The following ADAM15 variants were observed in gnomAD, a reference collection of about 807,000 sequenced individuals.
ADAM15 encodes the protein ADAM metallopeptidase domain 15.
Under a neutral mutation model 113.8 loss-of-function variants are expected in ADAM15, and 77 were observed. The observed-to-expected ratio is 0.68, with a 90% CI of 0.56 to 0.82. The LOEUF (loss-of-function observed/expected upper bound fraction) is 0.82, where lower values mean the gene tolerates loss of function less well. Ranked by LOEUF, ADAM15 falls within the 40% of genes least tolerant of loss-of-function variation. The pLI is 0.00. For missense variants in ADAM15, 963 were observed against 1,120.1 expected (o/e 0.86, Z 2.00); for synonymous variants, 388 against 454.1 (o/e 0.85, Z 1.85).
In ADAM15 at chr1:155,062,464, G is replaced by A; in HGVS notation, c.2554G>A (p.Ala852Thr). 1.2e-6 allele frequency: 2 copies of A among 1,613,370 alleles called. No individual in the cohort carries two copies. ...IPPLVVPSRP[A>T]PPPPTVSSLY... ...TCTTGGCTTCCCGCAATCCAGACCA[G>A]CGCCACCGCCTCCGACAGTGTCCTC... Residue 852 changes from alanine (A) to threonine (T), a missense_variant, in exon 23 of 23, where the codon GCG becomes ACG. By Grantham distance (58) the Ala-to-Thr change is moderately conservative. Coordinates refer to ENST00000356955, the MANE Select transcript of ADAM15 (RefSeq NM_207197.3). The surrounding 1 kb of genome is among the most constrained non-coding windows in gnomAD (Gnocchi z 7.0).
At chr1:155,059,242 A>T (rs148969868) in intron 16 of ADAM15, among the ~76,000 whole-genome samples, 1,544 of 151,960 alleles carry the variant, frequency 0.01, 37 homozygotes, top group African/African-American at 0.035. Context: ...TAATTTTTGT[A>T]TTTTCAGTAG....
rs746980538 is a variant in ADAM15, at chr1:155,055,929, C to T, written c.676-3C>T. On this transcript the variant is annotated splice_region_variant and splice_polypyrimidine_tract_variant and intron_variant, in intron 7 of 22. Coordinates refer to ENST00000356955, the MANE Select transcript of ADAM15 (RefSeq NM_207197.3). ...CTTTCATGTCACCTCTCTTGGCCTA[C>T]AGGCCCAGAAATACCGGGACTTCCA... is the stretch of plus-strand genomic sequence containing the variant. 32 of 1,614,082 alleles carry T rather than the reference C, an allele frequency of 2.0e-5. No homozygotes were observed. The highest frequency in any genetic ancestry group is 1.8e-4 in the Admixed American group (11 of 60,012).
rs1662339948 is a variant in ADAM15, at chr1:155,059,938, G to T, written c.2032G>T (p.Gly678Cys). ...CAACAGGCACTGCTACTGTGAGGAGGGCTGGGCACCCCCTGACTGCACCAC... is the reference window on the plus strand; with the variant it reads ...CAACAGGCACTGCTACTGTGAGGAGTGCTGGGCACCCCCTGACTGCACCAC... ...DSNRHCYCEE[G>C]WAPPDCTTQL... Residue 678 changes from glycine to cysteine, a missense_variant, in exon 17 of 23, where the codon GGC (glycine) becomes TGC (cysteine). By Grantham distance (159) the Gly-to-Cys change is radical. Coordinates refer to ENST00000356955, the MANE Select transcript of ADAM15 (RefSeq NM_207197.3). 1 of 1,613,950 alleles carries T rather than the reference G, an allele frequency of 6.2e-7. No homozygotes were observed. Among genetic ancestry groups the T allele is most frequent in the Non-Finnish European group, 8.5e-7 (1 of 1,179,970 alleles).
intron 18 of ADAM15, 46 bp from the exon 19 acceptor site, chr1:155,060,717 G>C (rs1294347537): frequency 6.3e-7 from 1 of 1,581,014 alleles, no homozygotes; most frequent in Non-Finnish European, 8.7e-7. Context: ...TAGAAAACAG[G>C]GTCTGAGGCT....
chr1:155,055,677 C>G (rs1661657956), intron 6 of ADAM15, 113 bp from the exon 7 acceptor site: 1 of 1,200,466 alleles, frequency 8.3e-7, no homozygotes, highest in Non-Finnish European at 1.2e-6. Flanking sequence ...AAAATGGGCT[C>G]TTCACCCTCC....
Position 155,060,304 on chromosome 1 carries a change from A to T in ADAM15, c.2168A>T (p.Gln723Leu). The change falls in exon 18 of 23, where the codon CAG becomes CTG. Residue 723 changes from glutamine (Q) to leucine (L), a missense_variant. Transcript: ENST00000356955. ...TACTGGTACCGTGCCCGCCTGCACC[A>T]GCGACTCTGCCAGCTCAAGGGACCC... ...ASYWYRARLH[Q>L]RLCQLKGPTC... The T allele has an allele frequency of 6.2e-7, 1 of 1,614,074 alleles. No individual in the cohort carries two copies. Among genetic ancestry groups the T allele is most frequent in the Non-Finnish European group, 8.5e-7 (1 of 1,180,002 alleles).
Position 155,051,333 on chromosome 1 carries a change from CTCCGCGCGCTGT to C in ADAM15, c.-48_-37del. 2.2e-6 allele frequency: 3 copies of C among 1,339,094 alleles called. No homozygotes were observed. The highest frequency in any genetic ancestry group is 9.6e-7 in the Non-Finnish European group (1 of 1,036,396). 83.0% of individuals were successfully genotyped at this position (1,339,094 alleles called of 1,614,324 possible). ...GAGGCGACCTGGCCGCCGGCCGCTC[CTCCGCGCGCTGT>C]TCCGCACTTGCTGCCCTCGCCCGGC... On this transcript the variant is annotated 5_prime_UTR_variant, in exon 1 of 23. Transcript: ENST00000356955.
In ADAM15 at chr1:155,053,469, A is replaced by T. The variant is rs76268440; in HGVS notation, c.239A>T (p.His80Leu). Residue 80 changes from histidine (H) to leucine (L), a missense_variant, in exon 3 of 23, where the codon CAT (histidine) becomes CTT (leucine). Transcript: ENST00000356955. Reference protein sequence around the residue: ...RIKLELDGDSHILELLQNREL... With the variant: ...RIKLELDGDSLILELLQNREL... ...AAGTTGGAGCTGGACGGTGACAGTC[A>T]TATCCTGGAGCTGCTACAGAATAGG... 5.9e-4 allele frequency: 952 copies of T among 1,614,198 alleles called. 6 individuals are homozygous for T. In the African/African-American group the frequency reaches 0.011, roughly 19 times the overall value.
At chr1:155,061,738 C>A in intron 20 of ADAM15, 166 bp from the exon 21 acceptor site, 1 of 867,630 alleles carries the variant, frequency 1.2e-6, no homozygotes. Flanking sequence ...CACCTTCCTC[C>A]CCTGAGACAT....
intron 17 of ADAM15, 29 bp from the exon 18 acceptor site, chr1:155,060,176 C>T: frequency 6.2e-7 from 1 of 1,611,320 alleles, no homozygotes; most frequent in Non-Finnish European, 8.5e-7. Context: ...TTAGCCCCGT[C>T]CTCCCTTAAA....
At chr1:155,061,530 G>T (rs1196027281) in intron 20 of ADAM15, 41 bp downstream of exon 20, 2 of 1,593,250 alleles carry the variant, frequency 1.3e-6, no homozygotes, top group African/African-American at 1.3e-5. Context: ...AAGGCAGGTG[G>T]GAGGCTTGGT....
In ADAM15 at chr1:155,054,135, G is replaced by T. The variant is rs753975511; in HGVS notation, c.343-15G>T. The T allele has an allele frequency of 6.2e-7, 1 of 1,613,886 alleles. No homozygotes were observed. The highest frequency in any genetic ancestry group is 8.5e-7 in the Non-Finnish European group (1 of 1,179,968). On this transcript the variant is annotated splice_polypyrimidine_tract_variant and intron_variant, in intron 4 of 22. Transcript: ENST00000356955. ...TGCTCTCTGAGACAGCACTAATGTT[G>T]TTCCCATGCTGCAGGAGAACTGCTG...
chr1:155,060,850 G>C lies in ADAM15; in HGVS notation c.2277+18G>C. On this transcript the variant is annotated intron_variant, in intron 19 of 22. Transcript: ENST00000356955. ...GCACTAAGGTGAGTCCTGGATGCCA[G>C]AGGAAGGGGACTCCACCTTGGCCGG... is the stretch of plus-strand genomic sequence containing the variant. 1 of 1,605,010 alleles carries C rather than the reference G, an allele frequency of 6.2e-7. No homozygotes were observed. The highest frequency in any genetic ancestry group is 1.1e-5 in the South Asian group (1 of 91,030).
chr1:155,058,266 T>G lies in ADAM15; in HGVS notation c.1742T>G (p.Leu581Arg). The G allele has an allele frequency of 1.9e-6, 3 of 1,614,056 alleles. No individual in the cohort carries two copies. Among genetic ancestry groups the G allele is most frequent in the Non-Finnish European group, 2.5e-6 (3 of 1,180,018 alleles). The change falls in exon 15 of 23, where the codon CTC (leucine) becomes CGC (arginine). Residue 581 changes from leucine to arginine, a missense_variant. Transcript: ENST00000356955. The surrounding 1 kb of genome is among the most constrained non-coding windows in gnomAD (Gnocchi z 4.3). The part of the protein sequence containing the change: ...CTPRDAICGQ[L>R]QCQTGRTQPL... ...CACAGAGATGCCATTTGTGGGCAGC[T>G]CCAGTGCCAGACAGGTAGGACCCAG... is the stretch of plus-strand genomic sequence containing the variant.
In ADAM15 at chr1:155,053,111, C is replaced by A. The variant is rs951253261; in HGVS notation, c.187-306C>A. On this transcript the variant is annotated intron_variant, in intron 2 of 22. Coordinates refer to ENST00000356955, the MANE Select transcript of ADAM15 (RefSeq NM_207197.3). ...AAAGAGTCAGGACCTTACCAAACCC[C>A]CCCCCCCCCACCCCATTCTAAAGCT... Among the ~76,000 whole-genome samples the A allele has an allele frequency of 8.1e-4, 102 of 125,980 alleles. 1 individual carries two copies. In the East Asian group the frequency reaches 0.013, roughly 16 times the overall value. 82.6% of individuals were successfully genotyped at this position (125,980 alleles called of 152,430 possible).
At position 155,057,495 on chromosome 1, in the gene ADAM15, G is replaced by A. The variant is rs1661930845; in HGVS notation, c.1323+133G>A. 6.7e-7 allele frequency: 1 copy of A among 1,484,612 alleles called. No homozygotes were observed. Among genetic ancestry groups the A allele is most frequent in the Non-Finnish European group, 9.2e-7 (1 of 1,082,644 alleles). 92.0% of individuals were successfully genotyped at this position (1,484,612 alleles called of 1,614,324 possible). A position where few individuals can be genotyped will look rare whatever the true frequency, so the allele number is the denominator to read the frequency against. Reference sequence around the variant, plus strand: ...CCCCTCTCCTACTTGCCCTGTCTGTGGGGACAGCACATGGGTTGTTGGGCT... The same window carrying A: ...CCCCTCTCCTACTTGCCCTGTCTGTAGGGACAGCACATGGGTTGTTGGGCT... On this transcript the variant is annotated intron_variant, in intron 12 of 22. Coordinates refer to ENST00000356955, the MANE Select transcript of ADAM15 (RefSeq NM_207197.3). The surrounding 1 kb of genome is among the most constrained non-coding windows in gnomAD (Gnocchi z 5.0).
In ADAM15 at chr1:155,057,741, C is replaced by G; in HGVS notation, c.1416+12C>G. ...GTCAAAATTGCCAGGTGGGTAGAGACTAGACTGGCCACCCGGAGCTCACCT... is the reference window on the plus strand; with the variant it reads ...GTCAAAATTGCCAGGTGGGTAGAGAGTAGACTGGCCACCCGGAGCTCACCT... On this transcript the variant is annotated intron_variant, in intron 13 of 22. Transcript: ENST00000356955. The surrounding 1 kb of genome is among the most constrained non-coding windows in gnomAD (Gnocchi z 5.0). 6.2e-7 allele frequency: 1 copy of G among 1,614,156 alleles called. No homozygotes were observed. Among genetic ancestry groups the G allele is most frequent in the Non-Finnish European group, 8.5e-7 (1 of 1,180,008 alleles).
intron 18 of ADAM15, among the ~76,000 whole-genome samples, 192 bp from the exon 19 acceptor site, chr1:155,060,571 G>T (rs1662431250): frequency 6.6e-6 from 1 of 152,098 alleles, no homozygotes; most frequent in South Asian, 2.1e-4. Flanking sequence ...TTCTCCCCAG[G>T]AGCCCCTGTG....
chr1:155,061,852 G>A, intron 20 of ADAM15, 52 bp from the exon 21 acceptor site: 1 of 1,473,172 alleles, frequency 6.8e-7, no homozygotes, highest in Non-Finnish European at 9.1e-7. Context: ...CTCTGTGCAT[G>A]TCCACAGCCC....
Sources: gnomAD v4.1 joint callset for allele counts (sites outside exome capture counted in the v4.1 genomes callset) on GRCh38, gnomAD v4.1.1 for gene constraint, Gnocchi (gnomAD v3.1) non-coding constraint, MANE v1.5 for transcripts, NCBI Gene and HGNC (gene_info 2026-07-23, HGNC 2026-07-21) for gene names.